ERLIN1: variants seen among roughly 807,000 people sequenced by gnomAD.
ERLIN1 encodes ER lipid raft associated 1.
In ERLIN1, 24 loss-of-function variants were observed where a neutral mutation model predicts 46.9. The observed-to-expected ratio is 0.51, with a 90% CI of 0.37 to 0.72. The LOEUF is 0.72. ERLIN1 is among the 30% of genes least tolerant of loss of function. The pLI is 0.00. For missense variants in ERLIN1, 293 were observed against 417.9 expected, an observed-to-expected ratio of 0.70 and a Z score of 2.61; for synonymous variants, 158 against 143.2, an observed-to-expected ratio of 1.10 and a Z score of -0.74.
At chr10:100,161,531 A>G (rs1843364299) in intron 8 of ERLIN1, among the ~76,000 whole-genome samples, 1 of 152,140 alleles carries the variant, frequency 6.6e-6, no homozygotes, top group Non-Finnish European at 1.5e-5. Flanking sequence ...TCCCAACACA[A>G]TATTTCACAA....
intron 7 of ERLIN1, 63 bp from the exon 8 acceptor site, chr10:100,164,158 T>G: frequency 9.0e-7 from 1 of 1,109,462 alleles, no homozygotes; most frequent in Non-Finnish European, 1.3e-6. Flanking sequence ...CAGCCAGTAA[T>G]TCTGACCCTA....
chr10:100,185,813 T>C lies in ERLIN1; in HGVS notation c.-187A>G. On this transcript the variant is annotated 5_prime_UTR_variant, in exon 1 of 11. Transcript: ENST00000421367. ...AGCCCGCTGACCCCTTGCCAACTCCTCCGCCCCCGGAGGCCAGTGGGCCGC... is the reference window on the plus strand; with the variant it reads ...AGCCCGCTGACCCCTTGCCAACTCCCCCGCCCCCGGAGGCCAGTGGGCCGC... 3.4e-6 allele frequency: 2 copies of C among 588,496 alleles called. No individual in the cohort carries two copies. Among genetic ancestry groups the C allele is most frequent in the South Asian group, 2.0e-5 (1 of 49,190 alleles). The allele number at this position is 588,496 out of a possible 1,614,324, so 36.5% of individuals were successfully genotyped here. A position where few individuals can be genotyped will look rare whatever the true frequency, so the allele number is the denominator to read the frequency against.
chr10:100,167,455 T>C lies in ERLIN1; in HGVS notation c.505-49A>G, dbSNP rs1843709231. 3.5e-6 allele frequency: 5 copies of C among 1,442,510 alleles called. No individual in the cohort carries two copies. The East Asian group carries it at 1.1e-4, about 33-fold the overall frequency. The allele number at this position is 1,442,510 out of a possible 1,614,324, so 89.4% of individuals were successfully genotyped here. A position where few individuals can be genotyped will look rare whatever the true frequency, so the allele number is the denominator to read the frequency against. The stretch of plus-strand genomic sequence containing the variant: ...CAAAGTATATTTGAAAGATAAATCT[T>C]CAAATTAAATCTTCTACAGAAAAGC... On this transcript the variant is annotated intron_variant, in intron 6 of 10. Transcript: ENST00000421367.
chr10:100,153,488 T>A (rs1331051096), intron 10 of ERLIN1, among the ~76,000 whole-genome samples: 2 of 152,300 alleles, frequency 1.3e-5, no homozygotes, highest in East Asian at 3.9e-4. Context: ...CCTCTCCTTA[T>A]CTTGAGTCCT....
intron 7 of ERLIN1, among the ~76,000 whole-genome samples, chr10:100,165,472 C>T (rs9732467): frequency 0.1 from 15,306 of 148,972 alleles, 1,037 homozygotes; most frequent in East Asian, 0.29. Context: ...CTGCAAGCTT[C>T]GCCTCCTGAG....
intron 8 of ERLIN1, 79 bp from the exon 9 acceptor site, chr10:100,156,313 G>A (rs1187597786): frequency 2.4e-6 from 2 of 819,950 alleles, no homozygotes; most frequent in Non-Finnish European, 4.1e-6. Flanking sequence ...GCAGCACACA[G>A]TCTAACATTT....
At chr10:100,159,394 G>A (rs1843237923) in intron 8 of ERLIN1, among the ~76,000 whole-genome samples, 1 of 152,124 alleles carries the variant, frequency 6.6e-6, no homozygotes, top group Non-Finnish European at 1.5e-5. Context: ...TACAGAAGAT[G>A]TGAACAACAC....
chr10:100,183,805 G>T lies in ERLIN1; in HGVS notation c.146C>A (p.Pro49Gln). The T allele has an allele frequency of 6.2e-7, 1 of 1,613,394 alleles. No homozygotes were observed. The stretch of plus-strand genomic sequence containing the variant: ...GAAAGGCAACATGATATGATAGCCT[G>T]GTCCACTGGGGCTAGTTAGTAAAGC... ...GGALLTSPSG[P>Q]GYHIMLPFIT... is the part of the protein sequence containing the mutation. Residue 49 changes from proline (P) to glutamine (Q), a missense_variant, in exon 2 of 11, where the codon CCA becomes CAA. Around this residue, in one of 3 missense-constraint regions of ERLIN1, gnomAD observed 76 missense variants for 77.0 expected, o/e 0.99. Transcript: ENST00000421367.
intron 8 of ERLIN1, among the ~76,000 whole-genome samples, chr10:100,161,671 G>GC (rs1429746477): frequency 2.6e-5 from 4 of 152,020 alleles, no homozygotes; most frequent in African/African-American, 9.7e-5. Context: ...TCTCCACATC[G>GC]CAAGACTTAA....
intron 5 of ERLIN1, among the ~76,000 whole-genome samples, chr10:100,175,487 G>C (rs1273614126): frequency 6.6e-6 from 1 of 152,180 alleles, no homozygotes; most frequent in Admixed American, 6.5e-5. Context: ...GCACATGTTT[G>C]ACTCTTGGAA....
chr10:100,154,784 T>C, intron 10 of ERLIN1, 76 bp downstream of exon 10: 1 of 1,131,516 alleles, frequency 8.8e-7, no homozygotes, highest in Non-Finnish European at 1.3e-6. Context: ...ATCACTTCTA[T>C]CATATCAGAG....
chr10:100,179,142 G>A (rs1844485404), intron 3 of ERLIN1, 59 bp downstream of exon 3: 3 of 1,290,086 alleles, frequency 2.3e-6, no homozygotes, highest in African/African-American at 1.5e-5. Flanking sequence ...GATCATAGCT[G>A]TAGGAACAGA....
chr10:100,159,469 T>G (rs1843241935), intron 8 of ERLIN1, among the ~76,000 whole-genome samples: 1 of 152,030 alleles, frequency 6.6e-6, no homozygotes, highest in Non-Finnish European at 1.5e-5. Context: ...AGAACACAGA[T>G]TCAATCTTTT....
rs1017693350 is a variant in ERLIN1, at chr10:100,152,323, G to C, written c.855C>G (p.Leu285=). 7 of 1,613,060 alleles carry C rather than the reference G, an allele frequency of 4.3e-6. No homozygotes were observed. The highest frequency in any genetic ancestry group is 1.3e-5 in the African/African-American group (1 of 74,902). The change falls in exon 11 of 11, where the codon CTC becomes CTG. Residue 285 remains leucine (L), a synonymous_variant. Transcript: ENST00000421367. ...TAGAAGCAATGGCCTGGTACTTTTT[G>C]AGCTCCAGATATTCCGGGGTCAACT... The part of the protein sequence containing the change: ...KHKLTPEYLE[L]KKYQAIASNS...
At chr10:100,159,399 C>G (rs1254910409) in intron 8 of ERLIN1, among the ~76,000 whole-genome samples, 1 of 152,102 alleles carries the variant, frequency 6.6e-6, no homozygotes, top group Non-Finnish European at 1.5e-5. Flanking sequence ...AAGATGTGAA[C>G]AACACAATTC....
intron 4 of ERLIN1, among the ~76,000 whole-genome samples, chr10:100,177,136 A>T (rs977259641): frequency 8.5e-5 from 13 of 152,168 alleles, no homozygotes; most frequent in African/African-American, 3.1e-4. Flanking sequence ...AAGAAAAAAA[A>T]TTAATGGACA....
At chr10:100,153,578 T>A (rs1481977240) in intron 10 of ERLIN1, among the ~76,000 whole-genome samples, 1 of 152,202 alleles carries the variant, frequency 6.6e-6, no homozygotes, top group Non-Finnish European at 1.5e-5. Context: ...CATCTTTCAC[T>A]CTTTGGATCT....
At position 100,183,751 on chromosome 10, in the gene ERLIN1, C is replaced by A; in HGVS notation, c.195+5G>T. On this transcript the variant is annotated splice_donor_5th_base_variant and intron_variant, in intron 2 of 10. Transcript: ENST00000421367. ...GTATGGAGGCTTCCCCTAGGAATCA[C>A]TCACCTGCACAGATCTGAACGTAGT... The A allele has an allele frequency of 6.3e-7, 1 of 1,598,398 alleles. No homozygotes were observed. The highest frequency in any genetic ancestry group is 1.3e-5 in the African/African-American group (1 of 74,648).
At chr10:100,156,360 A>G (rs1843081662) in intron 8 of ERLIN1, 126 bp from the exon 9 acceptor site, 1 of 638,760 alleles carries the variant, frequency 1.6e-6, no homozygotes, top group South Asian at 1.8e-5. Flanking sequence ...TGTTTCACTA[A>G]GTTTTATCTA....
Sources: allele counts gnomAD v4.1 joint callset (sites outside exome capture counted in the v4.1 genomes callset), GRCh38; gene constraint gnomAD v4.1.1; regional missense constraint gnomAD v4.1.1; transcripts MANE v1.5; gene names NCBI Gene and HGNC (gene_info 2026-07-23, HGNC 2026-07-21).